GYG1: variants seen among roughly 807,000 people sequenced by gnomAD.
The protein encoded by GYG1 is glycogenin-1.
GYG1 carries 44 observed loss-of-function variants against 41.9 expected under a neutral mutation model. The ratio of observed to expected loss-of-function variants is 1.05; its 90% CI spans 0.83 to 1.35. The LOEUF is 1.35. Ranked by LOEUF, GYG1 falls within the 40% of genes most tolerant of loss-of-function variation. GYG1 has a pLI of 0.00. For missense variants in GYG1, 429 were observed against 418.9 expected (o/e 1.02, Z -0.21); for synonymous variants, 141 against 158.1 (o/e 0.89, Z 0.81).
intron 2 of GYG1, among the ~76,000 whole-genome samples, chr3:148,996,030 C>T (rs768038142): frequency 5.9e-5 from 9 of 152,166 alleles, no homozygotes; most frequent in Non-Finnish European, 1.2e-4. Context: ...TACAAAAACC[C>T]AGAAAATGTC....
rs955180415 is a variant in GYG1 at position 149,028,737 on chromosome 3, A to G, written c.*1804A>G. ...TTTTTTTTTTTTTTTTTCTTGAGGC[A>G]GAGTCTTGCTCTGTCAGTCAGTCAC... is the stretch of plus-strand genomic sequence containing the variant. On this transcript the variant is annotated 3_prime_UTR_variant, in exon 8 of 8. Coordinates refer to ENST00000345003, the MANE Select transcript of GYG1 (RefSeq NM_004130.4). Among the ~76,000 whole-genome samples the G allele has an allele frequency of 3.7e-5, 5 of 134,726 alleles. No individual in the cohort carries two copies. The highest frequency in any genetic ancestry group is 1.1e-4 in the African/African-American group (4 of 34,912). 88.4% of individuals were successfully genotyped at this position (134,726 alleles called of 152,430 possible). A position where few individuals can be genotyped will look rare whatever the true frequency, so the allele number is the denominator to read the frequency against.
rs1435030339 is a variant in GYG1 at position 149,031,556 on chromosome 3, G to A, written c.*4623G>A. 6.6e-6 allele frequency: 1 copy of A among 152,488 alleles called. No homozygotes were observed. Among genetic ancestry groups the A allele is most frequent in the Admixed American group, 6.5e-5 (1 of 15,274 alleles). 9.4% of individuals were successfully genotyped at this position (152,488 alleles called of 1,614,324 possible). A position where few individuals can be genotyped will look rare whatever the true frequency, so the allele number is the denominator to read the frequency against. On this transcript the variant is annotated 3_prime_UTR_variant, in exon 8 of 8. Transcript: ENST00000345003. Reference sequence around the variant, plus strand: ...ACAGCAAGTTACATTTAAACAATGAGTGTAGTACTACTTAACTAAAATGGA... The same window carrying A: ...ACAGCAAGTTACATTTAAACAATGAATGTAGTACTACTTAACTAAAATGGA...
At chr3:149,022,308 A>C (rs1714412586) in intron 5 of GYG1, among the ~76,000 whole-genome samples, 1 of 152,156 alleles carries the variant, frequency 6.6e-6, no homozygotes, top group Admixed American at 6.5e-5. Context: ...AAAAGAATAC[A>C]TATTTTAAAA....
chr3:149,022,498 C>CTTTTT (rs71617495), intron 5 of GYG1, among the ~76,000 whole-genome samples: 2,522 of 69,410 alleles, frequency 0.036, 441 homozygotes, highest in African/African-American at 0.11. Flanking sequence ...CTTGTTTTGC[C>CTTTTT]TTTTTTTTTT....
chr3:149,011,895 ATGC>A (rs1240056911), intron 5 of GYG1, among the ~76,000 whole-genome samples: 1 of 152,062 alleles, frequency 6.6e-6, no homozygotes, highest in Non-Finnish European at 1.5e-5. Flanking sequence ...CCGGCTGGAG[ATGC>A]TGCTGCTTCA....
chr3:148,997,833 G>A (rs1158271546), intron 4 of GYG1, among the ~76,000 whole-genome samples: 2 of 152,234 alleles, frequency 1.3e-5, no homozygotes, highest in South Asian at 2.1e-4. Context: ...TTCACATGGG[G>A]TTGGGCCAGA....
intron 1 of GYG1, chr3:148,992,805 G>A (rs1156603411): frequency 2.2e-4 from 33 of 152,388 alleles, no homozygotes; most frequent in Admixed American, 2.2e-3. Context: ...GCCCTTCGGG[G>A]GTGGGGAACT....
intron 4 of GYG1, among the ~76,000 whole-genome samples, chr3:149,000,365 A>G (rs1052788881): frequency 1.3e-5 from 2 of 152,180 alleles, no homozygotes; most frequent in African/African-American, 4.8e-5. Context: ...AAAGTTGAAC[A>G]ATAGCTGTTG....
At chr3:148,997,856 G>T (rs1261261770) in intron 4 of GYG1, among the ~76,000 whole-genome samples, 1 of 152,246 alleles carries the variant, frequency 6.6e-6, no homozygotes, top group Non-Finnish European at 1.5e-5. Flanking sequence ...CCCAAGCTCT[G>T]CTGGAGACAC....
At chr3:149,007,809 TATGCACTC>T (rs1713484321) in intron 4 of GYG1, among the ~76,000 whole-genome samples, 1 of 152,166 alleles carries the variant, frequency 6.6e-6, no homozygotes, top group Non-Finnish European at 1.5e-5. Context: ...CACTCGCACA[TATGCACTC>T]ATGCACATGC....
At chr3:148,995,894 G>A (rs751193550) in intron 2 of GYG1, among the ~76,000 whole-genome samples, 6 of 152,220 alleles carry the variant, frequency 3.9e-5, no homozygotes, top group Non-Finnish European at 8.8e-5. Context: ...CTTAAACAGC[G>A]TGCTCAGCAT....
In GYG1 at chr3:148,996,338, G is replaced by A; in HGVS notation, c.180G>A (p.Met60Ile). The change falls in exon 3 of 8, where the codon ATG (methionine) becomes ATA (isoleucine). Residue 60 changes from methionine to isoleucine, a missense_variant. By Grantham distance (10) the Met-to-Ile change is conservative. Coordinates refer to ENST00000345003, the MANE Select transcript of GYG1 (RefSeq NM_004130.4). The stretch of plus-strand genomic sequence containing the variant: ...AGACAGTCTTTGATGAAGTCATCAT[G>A]GTAGATGTCTTGGACAGTGGCGATT... ...VLETVFDEVI[M>I]VDVLDSGDSA... 1 of 1,611,306 alleles carries A rather than the reference G, an allele frequency of 6.2e-7. No homozygotes were observed. Among genetic ancestry groups the A allele is most frequent in the Non-Finnish European group, 8.5e-7 (1 of 1,178,936 alleles).
At chr3:148,993,682 A>T (rs1712621403) in intron 1 of GYG1, among the ~76,000 whole-genome samples, 1 of 152,218 alleles carries the variant, frequency 6.6e-6, no homozygotes, top group Admixed American at 6.5e-5. Context: ...GGCATGGCAT[A>T]AACGTAAGCA....
At chr3:149,009,991 G>A (rs1386657949) in intron 5 of GYG1, among the ~76,000 whole-genome samples, 1 of 152,158 alleles carries the variant, frequency 6.6e-6, no homozygotes, top group African/African-American at 2.4e-5. Context: ...AGTAAGGGAG[G>A]TAATCATGTA....
rs149719986 is a variant in GYG1 at position 149,006,372 on chromosome 3, C to T, written c.482-2904C>T. Among the ~76,000 whole-genome samples the T allele has an allele frequency of 6.5e-3, 995 of 152,238 alleles. 4 individuals carry two copies. Among genetic ancestry groups the T allele is most frequent in the Non-Finnish European group, 1.0e-2 (678 of 68,012 alleles). On this transcript the variant is annotated intron_variant, in intron 4 of 7. Coordinates refer to ENST00000345003, the MANE Select transcript of GYG1 (RefSeq NM_004130.4). The stretch of plus-strand genomic sequence containing the variant: ...CTGGGATTACAGGCGTGAGCCACTG[C>T]GCCTGGCCCATCATATTCTTTTACA...
intron 5 of GYG1, among the ~76,000 whole-genome samples, chr3:149,017,581 G>A (rs1258245080): frequency 1.4e-5 from 1 of 73,444 alleles, no homozygotes; most frequent in East Asian, 4.1e-4. Context: ...CTTTTATTTA[G>A]GTTTTTTTTT....
At chr3:149,012,053 G>T (rs1026789806) in intron 5 of GYG1, among the ~76,000 whole-genome samples, 2 of 152,202 alleles carry the variant, frequency 1.3e-5, no homozygotes, top group Middle Eastern at 3.4e-3. Context: ...AAATATATTT[G>T]CTTTTCTTGT....
At chr3:149,026,417 C>T (rs1714652618) in intron 6 of GYG1, 35 bp from the exon 7 acceptor site, 1 of 1,352,690 alleles carries the variant, frequency 7.4e-7, no homozygotes, top group South Asian at 1.2e-5. Flanking sequence ...TTCCCTTGCC[C>T]ATCCATCTTA....
At chr3:149,026,714 G>GT in intron 7 of GYG1, 46 bp from the exon 8 acceptor site, 2 of 1,383,446 alleles carry the variant, frequency 1.4e-6, no homozygotes, top group South Asian at 1.2e-5. Flanking sequence ...CTTTAAAACA[G>GT]TTTGATTTTC....
Sources: allele counts gnomAD v4.1 joint callset (sites outside exome capture counted in the v4.1 genomes callset), GRCh38; gene constraint gnomAD v4.1.1; transcripts MANE v1.5; gene names NCBI Gene and HGNC (gene_info 2026-07-23, HGNC 2026-07-21).